The following ETV6 variants were observed in gnomAD, a reference collection of about 807,000 sequenced individuals.
ETV6 encodes transcription factor ETV6.
Under a neutral mutation model 51.1 loss-of-function variants are expected in ETV6, and 16 were observed. The observed-to-expected ratio is 0.31, with a 90% CI of 0.21 to 0.48. The LOEUF (loss-of-function observed/expected upper bound fraction) is 0.48. ETV6 is among the 20% of genes least tolerant of loss of function. ETV6 has a pLI of 0.99. For missense variants in ETV6, 458 were observed against 594.8 expected (o/e 0.77, Z 2.39); for synonymous variants, 240 against 224.1 (o/e 1.07, Z -0.64).
At chr12:11,856,290 A>G (rs79343356) in intron 4 of ETV6, among the ~76,000 whole-genome samples, 3,522 of 152,328 alleles carry the variant, frequency 0.023, 139 homozygotes, top group African/African-American at 0.08. Context: ...TTGTGAGCTC[A>G]GTAGGTAAGA....
At chr12:11,724,956 C>A (rs1183773140) in intron 1 of ETV6, among the ~76,000 whole-genome samples, 1 of 152,138 alleles carries the variant, frequency 6.6e-6, no homozygotes, top group Admixed American at 6.6e-5. Flanking sequence ...TAGGTCTTAT[C>A]CTCCTGCCCT....
At chr12:11,791,884 C>T (rs1422435401) in intron 2 of ETV6, among the ~76,000 whole-genome samples, 1 of 152,132 alleles carries the variant, frequency 6.6e-6, no homozygotes, top group Non-Finnish European at 1.5e-5. Context: ...TTTCATTTCC[C>T]ACCTTGGGCC....
intron 1 of ETV6, among the ~76,000 whole-genome samples, chr12:11,742,062 T>C (rs186951897): frequency 1.3e-5 from 2 of 152,380 alleles, no homozygotes; most frequent in Admixed American, 6.5e-5. Flanking sequence ...ATTTTCTATG[T>C]ACTGTTGCAC....
intron 1 of ETV6, among the ~76,000 whole-genome samples, chr12:11,736,822 C>A (rs1030198986): frequency 6.6e-6 from 1 of 152,100 alleles, no homozygotes; most frequent in Non-Finnish European, 1.5e-5. Flanking sequence ...CAGTAGATGG[C>A]CCTAGGTGGA....
intron 3 of ETV6, among the ~76,000 whole-genome samples, chr12:11,852,865 G>C (rs1406871546): frequency 6.6e-6 from 1 of 152,136 alleles, no homozygotes; most frequent in African/African-American, 2.4e-5. Flanking sequence ...GTCATGTTTT[G>C]TTTTCTTTCT....
intron 1 of ETV6, among the ~76,000 whole-genome samples, chr12:11,671,997 T>C (rs1433611651): frequency 1.3e-5 from 2 of 150,780 alleles, no homozygotes; most frequent in African/African-American, 2.4e-5. Flanking sequence ...TCTGATCCTT[T>C]TTTTTTTTTT....
intron 2 of ETV6, among the ~76,000 whole-genome samples, chr12:11,807,073 T>C (rs925209523): frequency 1.8e-4 from 27 of 152,242 alleles, no homozygotes; most frequent in Admixed American, 3.3e-4. Flanking sequence ...TGCAGACAGA[T>C]TCTGAGGGTC....
chr12:11,670,339 T>G (rs6488442), intron 1 of ETV6, among the ~76,000 whole-genome samples: 18,959 of 152,218 alleles, frequency 0.12, 1,278 homozygotes, highest in African/African-American at 0.17. Flanking sequence ...TCTTTGTAAG[T>G]GATATGAGTC....
At chr12:11,870,073 C>A in intron 5 of ETV6, 104 bp downstream of exon 5, 1 of 1,362,124 alleles carries the variant, frequency 7.3e-7, no homozygotes, top group Non-Finnish European at 9.9e-7. Flanking sequence ...CCCAATTAGG[C>A]GCCCTCCAAG....
intron 2 of ETV6, among the ~76,000 whole-genome samples, chr12:11,795,470 T>C (rs1591679393): frequency 6.6e-6 from 1 of 152,236 alleles, no homozygotes; most frequent in African/African-American, 2.4e-5. Flanking sequence ...ACCAGGCCAA[T>C]AGAGCCAAAG....
intron 1 of ETV6, among the ~76,000 whole-genome samples, chr12:11,738,255 T>TCCTTCCTC (rs1865744377): frequency 7.3e-6 from 1 of 137,716 alleles, no homozygotes; most frequent in South Asian, 2.6e-4. Flanking sequence ...CTTCCCTCCT[T>TCCTTCCTC]CCTTCCTCTC....
intron 2 of ETV6, among the ~76,000 whole-genome samples, chr12:11,791,063 A>G (rs191853274): frequency 2.1e-3 from 320 of 152,290 alleles, no homozygotes; most frequent in African/African-American, 7.2e-3. Flanking sequence ...TAGTGACACC[A>G]GTCCCCAATC....
intron 1 of ETV6, among the ~76,000 whole-genome samples, chr12:11,745,165 G>C (rs1009954): frequency 0.49 from 74,047 of 152,072 alleles, 21,748 homozygotes; most frequent in Middle Eastern, 0.65. Flanking sequence ...ATTTGGAGCT[G>C]TTCTACCCAC....
intron 2 of ETV6, among the ~76,000 whole-genome samples, chr12:11,823,691 C>T (rs1273730343): frequency 3.3e-5 from 5 of 152,142 alleles, no homozygotes; most frequent in Admixed American, 3.3e-4. Context: ...TGGTCTCAGA[C>T]CCCTGACCTT....
chr12:11,730,978 C>T (rs1284280969), intron 1 of ETV6, among the ~76,000 whole-genome samples: 1 of 152,186 alleles, frequency 6.6e-6, no homozygotes, highest in Non-Finnish European at 1.5e-5. Flanking sequence ...GTTTCACATC[C>T]CCTCTACCCG....
intron 1 of ETV6, among the ~76,000 whole-genome samples, chr12:11,678,166 C>T (rs1014619148): frequency 2.0e-5 from 3 of 152,178 alleles, no homozygotes; most frequent in Non-Finnish European, 2.9e-5. Flanking sequence ...ATTATAAGAA[C>T]TTTGGGCCAG....
Position 11,894,517 on chromosome 12 carries a change from T to C in ETV6, c.*3471T>C. On this transcript the variant is annotated 3_prime_UTR_variant, in exon 8 of 8. Transcript: ENST00000396373. ...GGGTATCCCCACAGAAAAAGAGGAA[T>C]AATAGACCAATGGATTTTCTCCTTT... The C allele has an allele frequency of 4.3e-6, 1 of 233,244 alleles. No homozygotes were observed. The highest frequency in any genetic ancestry group is 8.5e-6 in the Non-Finnish European group (1 of 118,014). 14.4% of individuals were successfully genotyped at this position (233,244 alleles called of 1,614,324 possible). A position where few individuals can be genotyped will look rare whatever the true frequency, so the allele number is the denominator to read the frequency against.
chr12:11,793,128 T>C (rs571832541), intron 2 of ETV6, among the ~76,000 whole-genome samples: 1 of 152,012 alleles, frequency 6.6e-6, no homozygotes, highest in South Asian at 2.1e-4. Context: ...GTTGGAACAA[T>C]GGTGACTGAT....
rs888253454 is a variant in ETV6 at position 11,692,558 on chromosome 12, C to A, written c.33+42398C>A. Among the ~76,000 whole-genome samples the A allele has an allele frequency of 1.8e-4, 28 of 152,054 alleles. 1 individual carries two copies. Among genetic ancestry groups the A allele is most frequent in the Admixed American group, 1.5e-3 (23 of 15,256 alleles). On this transcript the variant is annotated intron_variant, in intron 1 of 7. Transcript: ENST00000396373. Reference sequence around the variant, plus strand: ...TGTTGACTTCATCTTATGTTAAATTCTTTGCAGGTAAAGCCATGTTCCTTA... The same window carrying A: ...TGTTGACTTCATCTTATGTTAAATTATTTGCAGGTAAAGCCATGTTCCTTA...
Sources: allele counts gnomAD v4.1 joint callset (sites outside exome capture counted in the v4.1 genomes callset), GRCh38; gene constraint gnomAD v4.1.1; transcripts MANE v1.5; gene names NCBI Gene and HGNC (gene_info 2026-07-23, HGNC 2026-07-21).